The following LRMDA variants were observed in gnomAD, a reference collection of about 807,000 sequenced individuals.
The protein encoded by LRMDA is leucine-rich melanocyte differentiation-associated protein.
A neutral mutation model predicts 29.8 loss-of-function variants in LRMDA; 18 were observed. The observed-to-expected ratio is 0.60, with a 90% CI of 0.42 to 0.90. The LOEUF (loss-of-function observed/expected upper bound fraction) is 0.90, where lower values mean the gene tolerates loss of function less well. Among genes scored for constraint, LRMDA ranks in the 40% least tolerant of loss-of-function variants. The pLI, the probability that LRMDA is intolerant of heterozygous loss-of-function variation, is 0.00. For missense variants in LRMDA, 273 were observed against 273.9 expected, an observed-to-expected ratio of 1.00 and a Z score of 0.02; for synonymous variants, 125 against 109.4, an observed-to-expected ratio of 1.14 and a Z score of -0.89.
intron 1 of LRMDA, 53 bp downstream of exon 1, chr10:75,431,807 G>C: frequency 2.3e-6 from 3 of 1,302,188 alleles, no homozygotes; most frequent in African/African-American, 1.5e-5. Context: ...CGTGGGGAGG[G>C]ACAGCGGGGC....
Position 76,003,771 on chromosome 10 carries a change from C to T in LRMDA, c.132-32237C>T, listed in dbSNP as rs144232294. On this transcript the variant is annotated intron_variant, in intron 2 of 6. Coordinates refer to ENST00000611255, the MANE Select transcript of LRMDA (RefSeq NM_001305581.2). The stretch of plus-strand genomic sequence containing the variant: ...CTGATAGGGGGAGGAAGAAGCCAGT[C>T]AACATTGGAATGCCTGGAATATCAT... Among the ~76,000 whole-genome samples the T allele has an allele frequency of 2.4e-3, 372 of 152,220 alleles. 3 individuals are homozygous for T. The highest frequency in any genetic ancestry group is 8.1e-3 in the African/African-American group (338 of 41,528).
At chr10:75,842,143 C>T (rs1243075540) in intron 2 of LRMDA, among the ~76,000 whole-genome samples, 2 of 152,124 alleles carry the variant, frequency 1.3e-5, no homozygotes, top group Non-Finnish European at 2.9e-5. Flanking sequence ...TTTTCATATG[C>T]CTGCAAGGCA....
chr10:76,004,345 CTT>C (rs1379631230), intron 2 of LRMDA, among the ~76,000 whole-genome samples: 1 of 152,218 alleles, frequency 6.6e-6, no homozygotes, highest in African/African-American at 2.4e-5. Context: ...CAGCAGATGA[CTT>C]TGCCTCCTAT....
intron 6 of LRMDA, among the ~76,000 whole-genome samples, chr10:76,504,337 A>G (rs1293747713): frequency 6.6e-6 from 1 of 151,934 alleles, no homozygotes; most frequent in Non-Finnish European, 1.5e-5. Flanking sequence ...TTAAATGTCT[A>G]TTGGGTCCAA....
At chr10:76,494,034 C>A (rs1842858939) in intron 6 of LRMDA, among the ~76,000 whole-genome samples, 1 of 151,922 alleles carries the variant, frequency 6.6e-6, no homozygotes, top group African/African-American at 2.4e-5. Flanking sequence ...ATGTTACTTA[C>A]ATAAACTCAT....
intron 6 of LRMDA, among the ~76,000 whole-genome samples, chr10:76,458,640 A>G (rs1302262226): frequency 3.3e-5 from 5 of 152,114 alleles, no homozygotes; most frequent in Admixed American, 2.6e-4. Flanking sequence ...GAATGACCTC[A>G]ACTCTGTTTC....
chr10:75,773,405 A>C (rs1843269363), intron 2 of LRMDA, among the ~76,000 whole-genome samples: 1 of 152,088 alleles, frequency 6.6e-6, no homozygotes, highest in Non-Finnish European at 1.5e-5. Flanking sequence ...TGGGGAAGGA[A>C]GTTTGTGACT....
intron 6 of LRMDA, among the ~76,000 whole-genome samples, chr10:76,450,627 C>T (rs868089026): frequency 6.6e-6 from 1 of 151,972 alleles, no homozygotes; most frequent in Non-Finnish European, 1.5e-5. Flanking sequence ...TATATTTTTC[C>T]TCGGAATATT....
At chr10:76,118,500 G>A (rs934652437) in intron 5 of LRMDA, among the ~76,000 whole-genome samples, 11 of 152,196 alleles carry the variant, frequency 7.2e-5, no homozygotes, top group Admixed American at 1.3e-4. Flanking sequence ...ACTTAAAGGC[G>A]AAGATGAGCT....
chr10:75,479,336 C>G (rs1408589067), intron 2 of LRMDA, among the ~76,000 whole-genome samples: 1 of 151,872 alleles, frequency 6.6e-6, no homozygotes, highest in Non-Finnish European at 1.5e-5. Flanking sequence ...TGAAACCCCG[C>G]CTGTACTAAA....
At chr10:75,466,532 A>G (rs1407529595) in intron 2 of LRMDA, among the ~76,000 whole-genome samples, 2 of 152,104 alleles carry the variant, frequency 1.3e-5, no homozygotes, top group African/African-American at 2.4e-5. Flanking sequence ...ACATACCTTT[A>G]TAGACAACCT....
At chr10:75,477,590 G>A (rs1299011987) in intron 2 of LRMDA, among the ~76,000 whole-genome samples, 1 of 152,144 alleles carries the variant, frequency 6.6e-6, no homozygotes, top group African/African-American at 2.4e-5. Context: ...TATGTTCTGG[G>A]AGGCCCCCAT....
At chr10:76,122,057 T>C (rs957865490) in intron 5 of LRMDA, among the ~76,000 whole-genome samples, 1 of 152,068 alleles carries the variant, frequency 6.6e-6, no homozygotes, top group Non-Finnish European at 1.5e-5. Flanking sequence ...TGCTGTGACA[T>C]GTAGGATGAT....
rs375175725 is a variant in LRMDA, at chr10:75,946,754, A to G, written c.132-89254A>G. ...TAGTTTCCCTTTCTGGGCTCCTTTC[A>G]TCTTCTATGGTAGTTACATCCCGCC... On this transcript the variant is annotated intron_variant, in intron 2 of 6. Transcript: ENST00000611255. 8.5e-5 allele frequency among the ~76,000 whole-genome samples: 13 copies of G among 152,176 alleles called. No individual in the cohort carries two copies. In the East Asian group the frequency reaches 1.9e-3, roughly 23 times the overall value.
At chr10:75,962,155 A>G (rs1564617645) in intron 2 of LRMDA, among the ~76,000 whole-genome samples, 1 of 152,222 alleles carries the variant, frequency 6.6e-6, no homozygotes, top group Non-Finnish European at 1.5e-5. Flanking sequence ...TAGGACTTCA[A>G]TACATGAATT....
intron 2 of LRMDA, among the ~76,000 whole-genome samples, chr10:75,532,056 G>GAAAAAAAAA (rs60697116): frequency 8.8e-4 from 84 of 95,352 alleles, no homozygotes; most frequent in African/African-American, 1.0e-3. Context: ...AAGAAAGAAA[G>GAAAAAAAAA]AAAAAAAAAA....
chr10:75,594,667 GTTAT>G (rs1385426645), intron 2 of LRMDA, among the ~76,000 whole-genome samples: 3 of 152,186 alleles, frequency 2.0e-5, no homozygotes, highest in Non-Finnish European at 2.9e-5. Flanking sequence ...TGAATGATTT[GTTAT>G]TTAATTGGTC....
intron 3 of LRMDA, among the ~76,000 whole-genome samples, chr10:76,045,692 G>A (rs935808030): frequency 3.9e-5 from 6 of 152,118 alleles, no homozygotes; most frequent in African/African-American, 1.4e-4. Flanking sequence ...ATGTGGAAGA[G>A]AAGAAGCCTT....
At chr10:75,484,819 A>C (rs1589156897) in intron 2 of LRMDA, among the ~76,000 whole-genome samples, 1 of 152,178 alleles carries the variant, frequency 6.6e-6, no homozygotes, top group African/African-American at 2.4e-5. Context: ...CTGGAAGCCA[A>C]CCCTGATGGC....
Sources: allele counts gnomAD v4.1 joint callset (sites outside exome capture counted in the v4.1 genomes callset), GRCh38; gene constraint gnomAD v4.1.1; transcripts MANE v1.5; gene names NCBI Gene and HGNC (gene_info 2026-07-23, HGNC 2026-07-21).